Variants in DLGAP1 observed in about 807,000 individuals in gnomAD.
DLGAP1 encodes DLG associated protein 1.
In DLGAP1, 11 loss-of-function variants were observed where a neutral mutation model predicts 90.8. The ratio of observed to expected loss-of-function variants is 0.12; its 90% CI spans 0.08 to 0.20. The LOEUF is 0.20. Ranked by LOEUF, DLGAP1 falls within the 10% of genes least tolerant of loss-of-function variation. The pLI is 1.00. For synonymous variants in DLGAP1, 558 were observed against 540.7 expected, an observed-to-expected ratio of 1.03 and a Z score of -0.44; for missense variants, 1,050 against 1,333.8, an observed-to-expected ratio of 0.79 and a Z score of 3.31.
chr18:3,975,136 T>C (rs1410682045), intron 3 of DLGAP1, among the ~76,000 whole-genome samples: 2 of 152,112 alleles, frequency 1.3e-5, no homozygotes, highest in Admixed American at 6.5e-5. Flanking sequence ...CTTAACACTA[T>C]TGAACTGTAC....
rs538863264 is a variant in DLGAP1, at chr18:4,112,160, G to A, written c.-159+39020C>T. Among the ~76,000 whole-genome samples the A allele has an allele frequency of 3.3e-5, 5 of 151,954 alleles. No homozygotes were observed. The South Asian group carries it at 8.3e-4, about 25-fold the overall frequency. Reference sequence around the variant, plus strand: ...TTTTCATTTCTTTCTAATTTCCCTTGTGACTTCTGTCTTTGACTCATTAGT... The same window carrying A: ...TTTTCATTTCTTTCTAATTTCCCTTATGACTTCTGTCTTTGACTCATTAGT... On this transcript the variant is annotated intron_variant, in intron 2 of 12. Coordinates refer to ENST00000315677, the MANE Select transcript of DLGAP1 (RefSeq NM_004746.4).
chr18:3,745,041 T>C (rs78502693), intron 5 of DLGAP1, among the ~76,000 whole-genome samples: 3,461 of 152,302 alleles, frequency 0.023, 142 homozygotes, highest in African/African-American at 0.079. Context: ...TAGATGAACT[T>C]TGAGAACATC....
chr18:4,305,761 C>G (rs1315734287), intron 1 of DLGAP1, among the ~76,000 whole-genome samples: 1 of 152,036 alleles, frequency 6.6e-6, no homozygotes, highest in Non-Finnish European at 1.5e-5. Flanking sequence ...TGTCTCTGGT[C>G]ATTTTACTTC....
At chr18:4,071,116 A>G (rs1400029574) in intron 2 of DLGAP1, among the ~76,000 whole-genome samples, 1 of 152,164 alleles carries the variant, frequency 6.6e-6, no homozygotes, top group Non-Finnish European at 1.5e-5. Flanking sequence ...AGATATTTAC[A>G]TGTTCACTAT....
intron 1 of DLGAP1, among the ~76,000 whole-genome samples, chr18:4,172,430 T>G (rs1333532278): frequency 6.6e-6 from 1 of 152,206 alleles, no homozygotes; most frequent in Admixed American, 6.5e-5. Context: ...ATATCACCAT[T>G]TAGTCTTGCA....
At chr18:3,938,579 T>C (rs1473460334) in intron 3 of DLGAP1, among the ~76,000 whole-genome samples, 1 of 152,228 alleles carries the variant, frequency 6.6e-6, no homozygotes, top group African/African-American at 2.4e-5. Context: ...GTTTGTCTAT[T>C]TCATTCACTG....
At chr18:3,861,769 G>T (rs2070077076) in intron 4 of DLGAP1, among the ~76,000 whole-genome samples, 1 of 152,210 alleles carries the variant, frequency 6.6e-6, no homozygotes, top group Non-Finnish European at 1.5e-5. Context: ...CAACCCTGCT[G>T]ATGTTCCAAT....
At chr18:3,501,898 C>G (rs2049955408) in intron 12 of DLGAP1, among the ~76,000 whole-genome samples, 1 of 148,370 alleles carries the variant, frequency 6.7e-6, no homozygotes, top group Admixed American at 6.7e-5. Context: ...GCATGAGGAC[C>G]CCAGTGAGCA....
At position 3,874,515 on chromosome 18, in the gene DLGAP1, CT is replaced by C. The variant is rs1191073941; in HGVS notation, c.957+4596del. 8.3e-6 allele frequency: 12 copies of C among 1,448,496 alleles called. No individual in the cohort carries two copies. The East Asian group carries it at 2.7e-4, about 33-fold the overall frequency. 89.7% of individuals were successfully genotyped at this position (1,448,496 alleles called of 1,614,324 possible). On this transcript the variant is annotated intron_variant, in intron 4 of 12. Transcript: ENST00000315677. Reference sequence around the variant, plus strand: ...AGAGGCATAAACAGAACCAAGAATTCTGCTTTTTAAAAGCAAAAACAAAACA... The same window carrying C: ...AGAGGCATAAACAGAACCAAGAATTCGCTTTTTAAAAGCAAAAACAAAACA...
At chr18:4,294,531 G>C (rs766835449) in intron 1 of DLGAP1, 1 of 152,322 alleles carries the variant, frequency 6.6e-6, no homozygotes, top group Non-Finnish European at 1.5e-5. Context: ...CAGATGAGCA[G>C]GTGCAGGAAC....
chr18:4,123,935 T>C (rs1484820734), intron 2 of DLGAP1, among the ~76,000 whole-genome samples: 1 of 152,214 alleles, frequency 6.6e-6, no homozygotes, highest in Non-Finnish European at 1.5e-5. Flanking sequence ...CTGAGATTCT[T>C]GGTGTTTCTT....
chr18:3,792,889 A>G (rs1385271645), intron 5 of DLGAP1, among the ~76,000 whole-genome samples: 1 of 152,120 alleles, frequency 6.6e-6, no homozygotes, highest in African/African-American at 2.4e-5. Flanking sequence ...TGCTGCTGCC[A>G]TCTGTGAAGC....
intron 2 of DLGAP1, among the ~76,000 whole-genome samples, chr18:4,063,101 T>C (rs1160028967): frequency 1.3e-5 from 2 of 152,118 alleles, no homozygotes; most frequent in Non-Finnish European, 2.9e-5. Context: ...ACTCAGAGCC[T>C]ATACTTTATA....
chr18:3,953,040 T>C (rs915603490), intron 3 of DLGAP1, among the ~76,000 whole-genome samples: 2 of 152,324 alleles, frequency 1.3e-5, no homozygotes, highest in South Asian at 2.1e-4. Flanking sequence ...ATATCGAATA[T>C]GCAAAACAGA....
intron 7 of DLGAP1, among the ~76,000 whole-genome samples, chr18:3,664,247 A>C: frequency 6.7e-6 from 1 of 148,700 alleles, no homozygotes; most frequent in African/African-American, 2.6e-5. Flanking sequence ...CGGATATACT[A>C]CTTCTCTGGA....
chr18:3,907,249 T>C (rs2071930725), intron 3 of DLGAP1, among the ~76,000 whole-genome samples: 2 of 152,194 alleles, frequency 1.3e-5, no homozygotes, highest in South Asian at 4.1e-4. Context: ...TAATATATTC[T>C]ACTCTATTTG....
chr18:3,656,161 CT>C, intron 7 of DLGAP1: 3 of 1,505,392 alleles, frequency 2.0e-6, no homozygotes, highest in Non-Finnish European at 2.7e-6. Context: ...CCCAAATCGC[CT>C]TTTCCAGGCT....
At chr18:3,920,638 C>T (rs759473256) in intron 3 of DLGAP1, among the ~76,000 whole-genome samples, 36 of 152,062 alleles carry the variant, frequency 2.4e-4, no homozygotes, top group Non-Finnish European at 4.4e-4. Context: ...TTGCACTTGG[C>T]GTTCAGTTAG....
At chr18:3,822,392 G>A (rs1230513621) in intron 4 of DLGAP1, among the ~76,000 whole-genome samples, 1 of 152,166 alleles carries the variant, frequency 6.6e-6, no homozygotes, top group Non-Finnish European at 1.5e-5. Context: ...TATCTGCAGG[G>A]TACCCAGCAC....
Sources: allele counts gnomAD v4.1 joint callset (sites outside exome capture counted in the v4.1 genomes callset), GRCh38; gene constraint gnomAD v4.1.1; transcripts MANE v1.5; gene names NCBI Gene and HGNC (gene_info 2026-07-23, HGNC 2026-07-21).